Variants in HCN2 observed in about 807,000 individuals in gnomAD.
The protein encoded by HCN2 is hyperpolarization activated cyclic nucleotide gated potassium and sodium channel 2.
Under a neutral mutation model 52.3 loss-of-function variants are expected in HCN2, and 20 were observed. That is an observed-to-expected ratio of 0.38 (90% confidence interval 0.27 to 0.56). HCN2 has a LOEUF of 0.56. Among genes scored for constraint, HCN2 ranks in the 20% least tolerant of loss-of-function variants. The pLI is 0.71. For missense variants in HCN2, 981 were observed against 1,207.7 expected (o/e 0.81, Z 2.78); for synonymous variants, 694 against 537.0 (o/e 1.29, Z -4.04).
rs1000687055 is a variant in HCN2, at chr19:616,348, G to A, written c.2544G>A (p.Leu848=). 5.8e-6 allele frequency: 7 copies of A among 1,212,806 alleles called. No homozygotes were observed. The African/African-American group carries it at 1.1e-4, about 20-fold the overall frequency. 75.1% of individuals were successfully genotyped at this position (1,212,806 alleles called of 1,614,324 possible). Residue 848 remains leucine, a synonymous_variant, in exon 8 of 8, where the codon TTG becomes TTA. Transcript: ENST00000251287. ...CGGCCAGCAGCTCCACACCGCGCTT[G>A]GGGCCCACGCCCGCTGCCCGGGCCG... is the stretch of plus-strand genomic sequence containing the variant. ...TRPASSSTPR[L]GPTPAARAAA... is the part of the protein sequence containing the mutation.
In HCN2 at chr19:615,810, T is replaced by A. The variant is rs745972616; in HGVS notation, c.2006T>A (p.Ile669Asn). ...RLDRIGKKNS[I>N]LLHKVQHDLN... is the part of the protein sequence containing the mutation. Reference sequence around the variant, plus strand: ...TCTCCCGCAGGCAAGAAGAATTCCATCCTCCTGCACAAGGTGCAGCATGAC... The same window carrying A: ...TCTCCCGCAGGCAAGAAGAATTCCAACCTCCTGCACAAGGTGCAGCATGAC... Residue 669 changes from isoleucine (I) to asparagine (N), a missense_variant, in exon 8 of 8, where the codon ATC becomes AAC. Physicochemically the swap from Ile to Asn is moderately radical, Grantham distance 149 (BLOSUM62 -3). Around this residue, in one of 6 missense-constraint regions of HCN2, gnomAD observed 368 missense variants for 314.8 expected, o/e 1.17. Transcript: ENST00000251287. The A allele has an allele frequency of 1.2e-6, 2 of 1,611,674 alleles. No individual in the cohort carries two copies. The highest frequency in any genetic ancestry group is 8.5e-7 in the Non-Finnish European group (1 of 1,179,552).
At chr19:604,695 A>C (rs2144518182) in intron 2 of HCN2, among the ~76,000 whole-genome samples, 3 of 75,326 alleles carry the variant, frequency 4.0e-5, no homozygotes, top group African/African-American at 6.5e-5. Context: ...GGGCGGGGCA[A>C]TGCGGGTTTT....
rs1342645556 is a variant in HCN2, at chr19:614,011, G to A, written c.1985G>A (p.Arg662His). Residue 662 changes from arginine (R) to histidine (H), a missense_variant, in exon 7 of 8, where the codon CGC (arginine) becomes CAC (histidine). Arg to His is a conservative substitution (Grantham distance 29). Transcript: ENST00000251287. ...FETVAIDRLD[R>H]IGKKNSILLH... ...ACGGTGGCCATCGACCGCCTGGACC[G>A]CATCGGTGAGCGGGCCGGGGGCGTG... is the stretch of plus-strand genomic sequence containing the variant. 2.5e-6 allele frequency: 4 copies of A among 1,585,152 alleles called. No individual in the cohort carries two copies. Among genetic ancestry groups the A allele is most frequent in the African/African-American group, 1.4e-5 (1 of 72,498 alleles).
chr19:612,425 T>TGAGA (rs1169120336), intron 5 of HCN2, among the ~76,000 whole-genome samples: 52 of 109,502 alleles, frequency 4.7e-4, no homozygotes, highest in African/African-American at 6.1e-4. Context: ...TGTGTGTGTG[T>TGAGA]GTGAGAGAGA....
At chr19:600,724 G>T (rs1294121421) in intron 1 of HCN2, among the ~76,000 whole-genome samples, 1 of 152,090 alleles carries the variant, frequency 6.6e-6, no homozygotes, top group Non-Finnish European at 1.5e-5. Context: ...CAAGTGATCC[G>T]CCTGCCTTGG....
intron 5 of HCN2, 43 bp downstream of exon 5, chr19:610,448 G>C: frequency 1.3e-6 from 2 of 1,582,312 alleles, no homozygotes; most frequent in Non-Finnish European, 1.7e-6. Flanking sequence ...CTCCGGTACA[G>C]GGCCGGCCTC....
chr19:590,452 G>C lies in HCN2; in HGVS notation c.507G>C (p.Ala169=). 1 of 1,506,076 alleles carries C rather than the reference G, an allele frequency of 6.6e-7. No individual in the cohort carries two copies. Among genetic ancestry groups the C allele is most frequent in the Non-Finnish European group, 8.9e-7 (1 of 1,121,212 alleles). The allele number at this position is 1,506,076 out of a possible 1,614,324, so 93.3% of individuals were successfully genotyped here. A position where few individuals can be genotyped will look rare whatever the true frequency, so the allele number is the denominator to read the frequency against. Residue 169 remains alanine (A), a synonymous_variant, in exon 1 of 8, where the codon GCG becomes GCC. Coordinates refer to ENST00000251287, the MANE Select transcript of HCN2 (RefSeq NM_001194.4). This position sits in a 1 kb window ranked among gnomAD's most constrained non-coding sequence, Gnocchi z 7.2. ...GCTTCATGCAGCGCCAGTTCGGCGC[G>C]CTCCTGCAGCCGGGCGTCAACAAGT... The part of the protein sequence containing the change: ...QASFMQRQFG[A]LLQPGVNKFS...
In HCN2 at chr19:590,106, A is replaced by T; in HGVS notation, c.161A>T (p.His54Leu). The change falls in exon 1 of 8, where the codon CAC becomes CTC. Residue 54 changes from histidine (H) to leucine (L), a missense_variant. Around this residue, in one of 6 missense-constraint regions of HCN2, gnomAD observed 215 missense variants for 179.4 expected, o/e 1.20. Coordinates refer to ENST00000251287, the MANE Select transcript of HCN2 (RefSeq NM_001194.4). The surrounding 1 kb of genome is among the most constrained non-coding windows in gnomAD (Gnocchi z 7.2). The stretch of plus-strand genomic sequence containing the variant: ...GGCCCCGGGCCCGCGCCCCCCCAGC[A>T]CCCGCCCCGGGCCGAGGCGTTGCCC... ...PPGPGPAPPQ[H>L]PPRAEALPPE... 1.3e-6 allele frequency: 1 copy of T among 761,980 alleles called. No homozygotes were observed. The highest frequency in any genetic ancestry group is 5.8e-5 in the South Asian group (1 of 17,244). The allele number at this position is 761,980 out of a possible 1,614,324, so 47.2% of individuals were successfully genotyped here. A position where few individuals can be genotyped will look rare whatever the true frequency, so the allele number is the denominator to read the frequency against.
intron 5 of HCN2, among the ~76,000 whole-genome samples, chr19:612,824 C>T (rs1393638415): frequency 6.8e-6 from 1 of 147,116 alleles, no homozygotes; most frequent in Non-Finnish European, 1.5e-5. Context: ...CCTCGACTTC[C>T]TGCACCACCA....
rs1982886358 is a variant in HCN2 at position 591,938 on chromosome 19, G to C, written c.632+1361G>C. Among the ~76,000 whole-genome samples the C allele has an allele frequency of 6.6e-6, 1 of 152,158 alleles. No individual in the cohort carries two copies. The highest frequency in any genetic ancestry group is 2.4e-5 in the African/African-American group (1 of 41,428). ...CTCCCACCCCAGGCCTTCCTGAGAG[G>C]TGAATACAGCTTTGACCAGAAGCCT... On this transcript the variant is annotated intron_variant, in intron 1 of 7. Coordinates refer to ENST00000251287, the MANE Select transcript of HCN2 (RefSeq NM_001194.4). The surrounding 1 kb of genome is among the most constrained non-coding windows in gnomAD (Gnocchi z 4.1).
chr19:603,070 C>A (rs1983265331), intron 1 of HCN2, among the ~76,000 whole-genome samples: 1 of 151,676 alleles, frequency 6.6e-6, no homozygotes, highest in Non-Finnish European at 1.5e-5. Context: ...CCCTCGCCCC[C>A]CAGGGAGGAA....
intron 5 of HCN2, among the ~76,000 whole-genome samples, chr19:610,638 G>C (rs1433960027): frequency 6.6e-6 from 1 of 152,192 alleles, no homozygotes. Context: ...GAACTGCCTG[G>C]GTCTGTGCCT....
chr19:614,052 C>T (rs1600539645), intron 7 of HCN2, 36 bp downstream of exon 7: 7 of 1,483,488 alleles, frequency 4.7e-6, no homozygotes, highest in Non-Finnish European at 5.4e-6. Flanking sequence ...GGCGGGTGCC[C>T]TGGCGGGGGA....
intron 1 of HCN2, among the ~76,000 whole-genome samples, chr19:594,456 G>A (rs374810197): frequency 3.3e-5 from 5 of 152,166 alleles, no homozygotes; most frequent in Non-Finnish European, 7.4e-5. Context: ...GGGAGGCCCC[G>A]TGTGAGGGGA....
At chr19:600,669 C>T (rs141857464) in intron 1 of HCN2, among the ~76,000 whole-genome samples, 6,001 of 151,994 alleles carry the variant, frequency 0.039, 414 homozygotes, top group African/African-American at 0.14. Context: ...TTAGTAGAGA[C>T]GGGGTTTCAC....
chr19:616,570 C>A lies in HCN2; in HGVS notation c.*96C>A, dbSNP rs1983941038. 23 of 747,204 alleles carry A rather than the reference C, an allele frequency of 3.1e-5. No homozygotes were observed. Among genetic ancestry groups the A allele is most frequent in the Non-Finnish European group, 3.8e-5 (22 of 577,046 alleles). The allele number at this position is 747,204 out of a possible 1,614,324, so 46.3% of individuals were successfully genotyped here. A position where few individuals can be genotyped will look rare whatever the true frequency, so the allele number is the denominator to read the frequency against. ...TTGCGCTGCCCCGGCCGCCAGTCCG[C>A]CCAGAAGCCATAGACGAGACGTAGG... On this transcript the variant is annotated 3_prime_UTR_variant, in exon 8 of 8. Coordinates refer to ENST00000251287, the MANE Select transcript of HCN2 (RefSeq NM_001194.4).
chr19:593,722 G>A (rs1033882118), intron 1 of HCN2, among the ~76,000 whole-genome samples: 8 of 152,200 alleles, frequency 5.3e-5, no homozygotes, highest in Non-Finnish European at 1.0e-4. Flanking sequence ...AGTCCCCAGA[G>A]GCATGCTGGG....
intron 4 of HCN2, 36 bp from the exon 5 acceptor site, chr19:610,223 G>GA (rs1378300885): frequency 6.2e-7 from 1 of 1,604,448 alleles, no homozygotes; most frequent in Admixed American, 1.7e-5. Context: ...GCAGGCCGGG[G>GA]GCGGTGTCTG....
rs372240092 is a variant in HCN2, at chr19:608,522, G to A, written c.1437+340G>A. 2.2e-4 allele frequency among the ~76,000 whole-genome samples: 33 copies of A among 152,180 alleles called. No homozygotes were observed. The East Asian group carries it at 5.2e-3, about 24-fold the overall frequency. ...GCTGTGATTAGGAGGAGAAACGGCC[G>A]GTGGTGAGAGGTTCTCTGACCCTGT... On this transcript the variant is annotated intron_variant, in intron 4 of 7. Transcript: ENST00000251287.
Sources: gnomAD v4.1 joint callset for allele counts (sites outside exome capture counted in the v4.1 genomes callset) on GRCh38, gnomAD v4.1.1 for gene constraint, gnomAD v4.1.1 regional missense constraint, Gnocchi (gnomAD v3.1) non-coding constraint, MANE v1.5 for transcripts, NCBI Gene and HGNC (gene_info 2026-07-23, HGNC 2026-07-21) for gene names.